The following ME3 variants were observed in gnomAD, a reference collection of about 807,000 sequenced individuals.
ME3 encodes malic enzyme 3, also known as NADP-dependent malic enzyme, mitochondrial.
A neutral mutation model predicts 68.9 loss-of-function variants in ME3; 48 were observed. The ratio of observed to expected loss-of-function variants is 0.70; its 90% confidence interval spans 0.55 to 0.89. The LOEUF (loss-of-function observed/expected upper bound fraction) is 0.89, where lower values mean the gene tolerates loss of function less well. ME3 is among the 40% of genes least tolerant of loss of function. The probability of loss-of-function intolerance (pLI) is 0.00; values close to 1 mark genes in which losing one functional copy is unlikely to be tolerated. For synonymous variants in ME3, 320 were observed against 318.8 expected (o/e 1.00, Z -0.04); for missense variants, 675 against 797.4 (o/e 0.85, Z 1.85).
intron 4 of ME3, among the ~76,000 whole-genome samples, chr11:86,533,724 G>T (rs887753548): frequency 6.6e-6 from 1 of 152,256 alleles, no homozygotes; most frequent in Non-Finnish European, 1.5e-5. Context: ...GATGAACACA[G>T]ATATAAAAAT....
chr11:86,529,781 G>T (rs1183248611), intron 4 of ME3, among the ~76,000 whole-genome samples: 2 of 151,940 alleles, frequency 1.3e-5, no homozygotes, highest in Non-Finnish European at 2.9e-5. Context: ...AATAGATGCA[G>T]AAAAATTCAA....
At chr11:86,465,112 T>C in exon 8 of ME3, 2 of 1,613,368 alleles carry the variant, frequency 1.2e-6, no homozygotes, top group Non-Finnish European at 1.7e-6. Flanking sequence ...TCATTGAACA[T>C]GCAGTACTTG....
At chr11:86,513,745 C>T (rs944587577) in intron 4 of ME3, among the ~76,000 whole-genome samples, 8 of 152,164 alleles carry the variant, frequency 5.3e-5, no homozygotes, top group African/African-American at 1.9e-4. Flanking sequence ...CAGAACCTTG[C>T]CCATCCTTCC....
chr11:86,542,736 T>C (rs1478881009), intron 4 of ME3, among the ~76,000 whole-genome samples: 2 of 152,204 alleles, frequency 1.3e-5, no homozygotes, highest in African/African-American at 2.4e-5. Context: ...CTCTGCAGGA[T>C]GTTATCCAGG....
chr11:86,590,527 C>T (rs898104272), intron 2 of ME3, among the ~76,000 whole-genome samples: 1 of 152,100 alleles, frequency 6.6e-6, no homozygotes, highest in Non-Finnish European at 1.5e-5. Flanking sequence ...GCTTTCAAAG[C>T]TGGAGGCAGG....
intron 4 of ME3, among the ~76,000 whole-genome samples, chr11:86,513,904 TG>T (rs1372417768): frequency 6.6e-6 from 1 of 152,188 alleles, no homozygotes; most frequent in Non-Finnish European, 1.5e-5. Context: ...TAACTAGTGA[TG>T]GGGTTGGTTC....
At chr11:86,609,035 C>T (rs1942364002) in intron 2 of ME3, among the ~76,000 whole-genome samples, 1 of 152,090 alleles carries the variant, frequency 6.6e-6, no homozygotes. Context: ...CTTCATAAAT[C>T]CCTTTTAGAT....
intron 2 of ME3, among the ~76,000 whole-genome samples, chr11:86,659,043 T>C (rs920632259): frequency 6.6e-6 from 1 of 152,172 alleles, no homozygotes; most frequent in Admixed American, 6.5e-5. Context: ...GAGTATGACA[T>C]GAAGGCTAAG....
chr11:86,630,662 G>A lies in ME3; in HGVS notation c.183+41100C>T, dbSNP rs1238010587. On this transcript the variant is annotated intron_variant, in intron 2 of 14. Coordinates refer to ENST00000543262, the Ensembl canonical transcript of ME3. The stretch of plus-strand genomic sequence containing the variant: ...GCAGATTTGATCAAATCAGGCCTGT[G>A]GCCTGGAGACAACACACTCTTTGGC... Among the ~76,000 whole-genome samples, 5 of 152,228 alleles carry A rather than the reference G, an allele frequency of 3.3e-5. No individual in the cohort carries two copies. In the East Asian group the frequency reaches 9.6e-4, roughly 29 times the overall value.
At chr11:86,453,532 C>T (rs1384761236) in intron 8 of ME3, among the ~76,000 whole-genome samples, 1 of 152,150 alleles carries the variant, frequency 6.6e-6, no homozygotes, top group South Asian at 2.1e-4. Context: ...TGCTTCCCCC[C>T]CACCACCCCA....
intron 2 of ME3, among the ~76,000 whole-genome samples, chr11:86,579,929 T>C (rs892233033): frequency 6.6e-6 from 1 of 152,174 alleles, no homozygotes; most frequent in Non-Finnish European, 1.5e-5. Flanking sequence ...GAAAAGAAAA[T>C]ATGGAACCTT....
chr11:86,483,511 G>A (rs964236159), intron 7 of ME3, among the ~76,000 whole-genome samples: 24 of 152,200 alleles, frequency 1.6e-4, no homozygotes, highest in African/African-American at 5.5e-4. Flanking sequence ...TTACGTGTGT[G>A]TGTGTGATTA....
intron 8 of ME3, among the ~76,000 whole-genome samples, chr11:86,452,564 G>C (rs1200211361): frequency 6.6e-6 from 1 of 152,178 alleles, no homozygotes; most frequent in African/African-American, 2.4e-5. Context: ...GGTCCTGTCT[G>C]AGGGCAAGAA....
intron 2 of ME3, among the ~76,000 whole-genome samples, chr11:86,603,792 G>A (rs890819312): frequency 2.0e-5 from 3 of 151,858 alleles, no homozygotes; most frequent in Non-Finnish European, 4.4e-5. Context: ...CATGTCCTTT[G>A]TAGGGGCATG....
intron 2 of ME3, among the ~76,000 whole-genome samples, chr11:86,631,027 C>T (rs10219319): frequency 0.21 from 32,328 of 152,114 alleles, 3,690 homozygotes; most frequent in East Asian, 0.39. Context: ...GATGGGAGGA[C>T]CAACCGAGTC....
intron 7 of ME3, among the ~76,000 whole-genome samples, chr11:86,468,762 A>C (rs1298199330): frequency 6.6e-6 from 1 of 152,230 alleles, no homozygotes; most frequent in Non-Finnish European, 1.5e-5. Context: ...CAATTGCCTT[A>C]CATATTCATT....
At chr11:86,659,496 G>T (rs1342122258) in intron 2 of ME3, among the ~76,000 whole-genome samples, 1 of 152,152 alleles carries the variant, frequency 6.6e-6, no homozygotes, top group African/African-American at 2.4e-5. Context: ...GATATTATCT[G>T]CCCAAAGCCT....
intron 2 of ME3, among the ~76,000 whole-genome samples, chr11:86,599,417 A>C (rs1260181455): frequency 6.6e-6 from 1 of 152,204 alleles, no homozygotes; most frequent in Non-Finnish European, 1.5e-5. Flanking sequence ...AATAAAAAGA[A>C]ACGAACAAAG....
At chr11:86,621,750 T>C (rs1943362078) in intron 2 of ME3, among the ~76,000 whole-genome samples, 1 of 151,984 alleles carries the variant, frequency 6.6e-6, no homozygotes, top group Admixed American at 6.6e-5. Context: ...AGAAATAACA[T>C]TCAAATCATA....
Sources: allele counts gnomAD v4.1 joint callset (sites outside exome capture counted in the v4.1 genomes callset), GRCh38; gene constraint gnomAD v4.1.1; transcripts MANE v1.5; gene names NCBI Gene and HGNC (gene_info 2026-07-23, HGNC 2026-07-21).